Variants in DAZAP2 observed in about 807,000 individuals in gnomAD.
DAZAP2 encodes DAZ associated protein 2, also known as DAZ-associated protein 2.
Under a neutral mutation model 16.2 loss-of-function variants are expected in DAZAP2, and 3 were observed. The observed-to-expected ratio is 0.19, with a 90% CI of 0.08 to 0.48. The LOEUF (loss-of-function observed/expected upper bound fraction) is 0.48. Among genes scored for constraint, DAZAP2 ranks in the 20% least tolerant of loss-of-function variants. The pLI is 0.98. For synonymous variants in DAZAP2, 69 were observed against 77.6 expected (o/e 0.89, Z 0.58); for missense variants, 172 against 215.9 (o/e 0.80, Z 1.27).
In DAZAP2 at chr12:51,240,872, T is replaced by C. The variant is rs1292484659; in HGVS notation, c.134T>C (p.Leu45Pro). 1 of 1,613,528 alleles carries C rather than the reference T, an allele frequency of 6.2e-7. No homozygotes were observed. Among genetic ancestry groups the C allele is most frequent in the Non-Finnish European group, 8.5e-7 (1 of 1,179,546 alleles). The change falls in exon 3 of 4, where the codon CTC (leucine) becomes CCC (proline). Residue 45 changes from leucine to proline, a missense_variant and splice_region_variant. Transcript: ENST00000412716. ...YTDAPPAYSE[L>P]YRPSFVHPGA... The stretch of plus-strand genomic sequence containing the variant: ...TGCCTTCTCTTCTGCCTCTTCTAGC[T>C]CTATCGTCCGAGCTTTGTGCACCCA...
chr12:51,246,491 G>A (rs1033772302), downstream of DAZAP2: 13 of 436,236 alleles, frequency 3.0e-5, no homozygotes, highest in African/African-American at 1.2e-4. Flanking sequence ...ATATATCCTC[G>A]TCCCTACCCA....
Position 51,242,611 on chromosome 12 carries a change from A to G in DAZAP2, c.*153A>G, listed in dbSNP as rs1944697724. On this transcript the variant is annotated 3_prime_UTR_variant, in exon 4 of 4. Transcript: ENST00000412716. ...TGCCCAAACTTTCAGGCACTTTTCA[A>G]ATTTAATAAGGAACCATGTAATGGT... 2 of 1,580,390 alleles carry G rather than the reference A, an allele frequency of 1.3e-6. No homozygotes were observed. The highest frequency in any genetic ancestry group is 1.1e-5 in the South Asian group (1 of 88,162).
In DAZAP2 at chr12:51,243,832, A is replaced by T; in HGVS notation, c.*1374A>T. 2.0e-6 allele frequency: 2 copies of T among 984,652 alleles called. No individual in the cohort carries two copies. The highest frequency in any genetic ancestry group is 2.4e-6 in the Non-Finnish European group (2 of 829,146). The allele number at this position is 984,652 out of a possible 1,614,324, so 61.0% of individuals were successfully genotyped here. A position where few individuals can be genotyped will look rare whatever the true frequency, so the allele number is the denominator to read the frequency against. On this transcript the variant is annotated 3_prime_UTR_variant, in exon 4 of 4. Transcript: ENST00000412716. ...CTTAGCTTGTTTTTAGATTTCTTCT[A>T]TATATATTTTATTTATATCCCATCT...
At chr12:51,241,292 G>T (rs1944672007) in intron 3 of DAZAP2, among the ~76,000 whole-genome samples, 176 bp downstream of exon 3, 2 of 152,196 alleles carry the variant, frequency 1.3e-5, no homozygotes, top group African/African-American at 4.8e-5. Context: ...CAAGTGAGTA[G>T]CATCTCACTG....
At chr12:51,239,062 G>C (rs1022285237) in intron 1 of DAZAP2, 142 bp downstream of exon 1, 7 of 1,204,358 alleles carry the variant, frequency 5.8e-6, no homozygotes, top group Admixed American at 2.8e-5. Flanking sequence ...AGGGCGCTGC[G>C]CCTGACGCCT....
In DAZAP2 at chr12:51,243,163, GT is replaced by G. The variant is rs1411715820; in HGVS notation, c.*706del. 4.1e-6 allele frequency: 4 copies of G among 985,802 alleles called. No homozygotes were observed. The African/African-American group carries it at 7.0e-5, about 17-fold the overall frequency. 61.1% of individuals were successfully genotyped at this position (985,802 alleles called of 1,614,324 possible). A position where few individuals can be genotyped will look rare whatever the true frequency, so the allele number is the denominator to read the frequency against. ...GTATCTCCTCAGGCAAAAGTGGAGG[GT>G]GCCTTATGGGCCCTCCTCATAGGTT... is the stretch of plus-strand genomic sequence containing the variant. On this transcript the variant is annotated 3_prime_UTR_variant, in exon 4 of 4. Coordinates refer to ENST00000412716, the MANE Select transcript of DAZAP2 (RefSeq NM_014764.4).
At chr12:51,246,654 G>T, downstream of DAZAP2, 4 of 637,952 alleles carry the variant, frequency 6.3e-6, no homozygotes, top group Non-Finnish European at 7.4e-6. Context: ...TAACTTACAA[G>T]CCAGAGTGAG....
chr12:51,241,126 A>G lies in DAZAP2; in HGVS notation c.378+10A>G. ...TGCTGGCAACATTCCTGTGAGTATG[A>G]CCTCATCAGAAGAAACTCAGCCCTT... On this transcript the variant is annotated intron_variant, in intron 3 of 3. Coordinates refer to ENST00000412716, the MANE Select transcript of DAZAP2 (RefSeq NM_014764.4). 3 of 1,613,182 alleles carry G rather than the reference A, an allele frequency of 1.9e-6. No homozygotes were observed. In the South Asian group the frequency reaches 3.3e-5, roughly 18 times the overall value.
intron 1 of DAZAP2, 42 bp downstream of exon 1, chr12:51,238,962 C>T (rs1196909985): frequency 6.2e-7 from 1 of 1,611,278 alleles, no homozygotes; most frequent in Non-Finnish European, 8.5e-7. Context: ...GGGAGTACTG[C>T]TGGCCCAGAG....
chr12:51,245,855 C>T (rs937483922), downstream of DAZAP2: 1 of 1,465,362 alleles, frequency 6.8e-7, no homozygotes, highest in African/African-American at 1.4e-5. Flanking sequence ...ATGCTTCTCC[C>T]TGGCTTCAGA....
chr12:51,243,633 T>C lies in DAZAP2; in HGVS notation c.*1175T>C. The C allele has an allele frequency of 1.0e-6, 1 of 985,834 alleles. No homozygotes were observed. The highest frequency in any genetic ancestry group is 1.7e-5 in the African/African-American group (1 of 57,360). 61.1% of individuals were successfully genotyped at this position (985,834 alleles called of 1,614,324 possible). A position where few individuals can be genotyped will look rare whatever the true frequency, so the allele number is the denominator to read the frequency against. ...ATCTAAATTGTGTGTTCTGTACATGTGATGTTTGACTGTACCATTGACTGT... is the reference window on the plus strand; with the variant it reads ...ATCTAAATTGTGTGTTCTGTACATGCGATGTTTGACTGTACCATTGACTGT... On this transcript the variant is annotated 3_prime_UTR_variant, in exon 4 of 4. Transcript: ENST00000412716.
chr12:51,243,971 A>G (rs560043872), downstream of DAZAP2: 40 of 966,598 alleles, frequency 4.1e-5, no homozygotes, highest in South Asian at 9.6e-5. Context: ...CAGATGTTCA[A>G]CTTTTCATCA....
rs545653589 is a variant in DAZAP2 at position 51,238,844 on chromosome 12, A to G, written c.-64A>G. 13 of 1,611,428 alleles carry G rather than the reference A, an allele frequency of 8.1e-6. No homozygotes were observed. The highest frequency in any genetic ancestry group is 1.1e-5 in the Non-Finnish European group (13 of 1,179,518). Reference sequence around the variant, plus strand: ...ATCATGTGACACGGAAGTAGCTCCGAACAGGAAGAGGACGAAAAAAATAAC... The same window carrying G: ...ATCATGTGACACGGAAGTAGCTCCGGACAGGAAGAGGACGAAAAAAATAAC... On this transcript the variant is annotated 5_prime_UTR_variant, in exon 1 of 4. Coordinates refer to ENST00000412716, the MANE Select transcript of DAZAP2 (RefSeq NM_014764.4).
chr12:51,242,226 C>G, intron 3 of DAZAP2, 104 bp from the exon 4 acceptor site: 2 of 1,460,434 alleles, frequency 1.4e-6, no homozygotes, highest in South Asian at 1.4e-5. Flanking sequence ...TAAAACGCAG[C>G]TGGTTAGCAC....
At chr12:51,246,643 A>AT, downstream of DAZAP2, 1 of 483,492 alleles carries the variant, frequency 2.1e-6, no homozygotes, top group Non-Finnish European at 3.3e-6. Flanking sequence ...TGTGTGTAAT[A>AT]TAACTTACAA....
chr12:51,239,496 AGG>A (rs1944626243), intron 1 of DAZAP2: 2 of 144,950 alleles, frequency 1.4e-5, no homozygotes, highest in Non-Finnish European at 3.0e-5. Context: ...AAAAAAAAAA[AGG>A]CCGAGCGAGG....
downstream of DAZAP2, chr12:51,245,929 G>A: frequency 6.2e-7 from 1 of 1,610,254 alleles, no homozygotes; most frequent in Non-Finnish European, 8.5e-7. Flanking sequence ...GCTCCTTGGG[G>A]CCTGGGAGTC....
chr12:51,239,947 C>CT (rs1944640891), intron 1 of DAZAP2: 1 of 197,154 alleles, frequency 5.1e-6, no homozygotes, highest in Non-Finnish European at 1.0e-5. Context: ...ATCAGAACTG[C>CT]TGTTACCCAC....
intron 1 of DAZAP2, chr12:51,239,294 T>G: frequency 8.1e-6 from 2 of 246,148 alleles, no homozygotes; most frequent in East Asian, 1.0e-4. Flanking sequence ...CGAACTTAAC[T>G]ACTGAATTGC....
Sources: gnomAD v4.1 joint callset for allele counts (sites outside exome capture counted in the v4.1 genomes callset) on GRCh38, gnomAD v4.1.1 for gene constraint, MANE v1.5 for transcripts, NCBI Gene and HGNC (gene_info 2026-07-23, HGNC 2026-07-21) for gene names.